NRK: variants seen among roughly 807,000 people sequenced by gnomAD.
The protein encoded by NRK is Nik related kinase, also known as nik-related protein kinase.
Under a neutral mutation model 125.2 loss-of-function variants are expected in NRK, and 67 were observed. The ratio of observed to expected loss-of-function variants is 0.54; its 90% confidence interval spans 0.44 to 0.66. NRK has a LOEUF of 0.66. Among genes scored for constraint, NRK ranks in the 30% least tolerant of loss-of-function variants. The pLI is 0.00. For missense variants in NRK, 1,224 were observed against 1,192.9 expected, an observed-to-expected ratio of 1.03 and a Z score of -0.38; for synonymous variants, 458 against 429.0, an observed-to-expected ratio of 1.07 and a Z score of -0.84.
chrX:105,906,568 A>G lies in NRK; in HGVS notation c.1000A>G (p.Ile334Val), dbSNP rs1468275732. 3 of 1,088,405 alleles carry G rather than the reference A, an allele frequency of 2.8e-6. No homozygotes were observed. Among genetic ancestry groups the G allele is most frequent in the Admixed American group, 5.2e-5 (2 of 38,108 alleles). The allele number at this position is 1,088,405 out of a possible 1,213,427, so 89.7% of individuals were successfully genotyped here. A position where few individuals can be genotyped will look rare whatever the true frequency, so the allele number is the denominator to read the frequency against. ...ESLTRHLTGI[I>V]KKRQKKGIPL... is the part of the protein sequence containing the mutation. ...ATTAACAAGGCATCTTACTGGAATCATTAAAAAAAGACAGAAAAAAGGTAG... is the reference window on the plus strand; with the variant it reads ...ATTAACAAGGCATCTTACTGGAATCGTTAAAAAAAGACAGAAAAAAGGTAG... Residue 334 changes from isoleucine to valine, a missense_variant, in exon 11 of 29, where the codon ATT becomes GTT. Coordinates refer to ENST00000243300, the MANE Select transcript of NRK (RefSeq NM_198465.4).
chrX:105,851,543 A>C lies in NRK; in HGVS notation c.123+20424A>C, dbSNP rs898817343. Among the ~76,000 whole-genome samples the C allele has an allele frequency of 1.1e-4, 12 of 112,195 alleles. No homozygotes were observed. In the Admixed American group the frequency reaches 1.1e-3, roughly 11 times the overall value. On this transcript the variant is annotated intron_variant, in intron 2 of 28. Transcript: ENST00000243300. ...TTCAAGTCTATATTATAAATTAAGT[A>C]ATGCATTAAACAACTAATTAATACT...
chrX:105,904,341 AT>A (rs2040194602), intron 9 of NRK, among the ~76,000 whole-genome samples: 1 of 111,787 alleles, frequency 8.9e-6, no homozygotes, highest in Admixed American at 9.6e-5. Flanking sequence ...ATTAATTTAT[AT>A]AGCACATATT....
chrX:105,895,372 A>G (rs2040068705), intron 6 of NRK, 61 bp from the exon 7 acceptor site: 1 of 862,873 alleles, frequency 1.2e-6, no homozygotes. Flanking sequence ...CCAGAAAGAA[A>G]GAAAGAAAGA....
chrX:105,849,998 G>A (rs2039450636), intron 2 of NRK, among the ~76,000 whole-genome samples: 1 of 111,945 alleles, frequency 8.9e-6, no homozygotes, highest in Admixed American at 9.4e-5. Context: ...CTCTGTGTGG[G>A]GGCTCCAACC....
Position 105,843,767 on chromosome X carries a change from G to A in NRK, c.123+12648G>A, listed in dbSNP as rs971545406. Among the ~76,000 whole-genome samples the A allele has an allele frequency of 6.3e-5, 7 of 111,035 alleles. No homozygotes were observed. The Admixed American group carries it at 6.7e-4, about 11-fold the overall frequency. On this transcript the variant is annotated intron_variant, in intron 2 of 28. Coordinates refer to ENST00000243300, the MANE Select transcript of NRK (RefSeq NM_198465.4). ...ACATGTGTAAATATTTCCTGACTTG[G>A]AGGATTGGCAGCTGTTAGAAAGAAA...
At chrX:105,872,609 C>T (rs1326781711) in intron 2 of NRK, among the ~76,000 whole-genome samples, 1 of 111,288 alleles carries the variant, frequency 9.0e-6, no homozygotes. Context: ...ACCTCCAAAC[C>T]CTGAATGTTC....
intron 28 of NRK, among the ~76,000 whole-genome samples, chrX:105,954,295 G>A (rs887044523): frequency 9.0e-6 from 1 of 110,567 alleles, no homozygotes; most frequent in Non-Finnish European, 1.9e-5. Context: ...TACACTTAAA[G>A]CCCTGCATCC....
Position 105,908,670 on chromosome X carries a change from G to A in NRK, c.1086-57G>A, listed in dbSNP as rs751729172. 8 of 1,129,766 alleles carry A rather than the reference G, an allele frequency of 7.1e-6. No homozygotes were observed. The African/African-American group carries it at 1.3e-4, about 18-fold the overall frequency. The allele number at this position is 1,129,766 out of a possible 1,213,427, so 93.1% of individuals were successfully genotyped here. A position where few individuals can be genotyped will look rare whatever the true frequency, so the allele number is the denominator to read the frequency against. The stretch of plus-strand genomic sequence containing the variant: ...TAAAGTAAAAACAATGCCCCTGAAT[G>A]GCTCCATTCCACTAAAAATTCTAAT... On this transcript the variant is annotated intron_variant, in intron 12 of 28. Coordinates refer to ENST00000243300, the MANE Select transcript of NRK (RefSeq NM_198465.4).
intron 19 of NRK, 71 bp from the exon 20 acceptor site, chrX:105,934,187 C>T (rs781316244): frequency 1.3e-4 from 77 of 606,367 alleles, no homozygotes; most frequent in Non-Finnish European, 1.8e-4. Context: ...TCAAACGACC[C>T]CTCACTAGGC....
intron 23 of NRK, among the ~76,000 whole-genome samples, chrX:105,940,236 G>C (rs1275534642): frequency 1.8e-5 from 2 of 110,719 alleles, no homozygotes; most frequent in African/African-American, 6.6e-5. Flanking sequence ...ACATCTTCCA[G>C]GTCTTCTATG....
At position 105,860,479 on chromosome X, in the gene NRK, A is replaced by G. The variant is rs188981076; in HGVS notation, c.124-19720A>G. Among the ~76,000 whole-genome samples the G allele has an allele frequency of 4.5e-5, 5 of 110,647 alleles. No homozygotes were observed. The Admixed American group carries it at 4.8e-4, about 11-fold the overall frequency. ...CTCAGTAGTTTTTAGTGTATACAAA[A>G]ACAGTGCAACCATGATAACTATTTG... On this transcript the variant is annotated intron_variant, in intron 2 of 28. Transcript: ENST00000243300.
chrX:105,884,354 G>A (rs1349719208), intron 4 of NRK, among the ~76,000 whole-genome samples: 1 of 107,944 alleles, frequency 9.3e-6, no homozygotes, highest in Non-Finnish European at 1.9e-5. Context: ...TTTTTTTTAC[G>A]AGATATAAAT....
chrX:105,906,372 A>T (rs764564898), intron 10 of NRK, 42 bp from the exon 11 acceptor site: 2 of 834,626 alleles, frequency 2.4e-6, no homozygotes, highest in African/African-American at 4.1e-5. Context: ...GTCTGACAGG[A>T]CTGAGAACAC....
chrX:105,913,027 C>G (rs1482896416), intron 14 of NRK, among the ~76,000 whole-genome samples: 1 of 111,856 alleles, frequency 8.9e-6, no homozygotes, highest in Non-Finnish European at 1.9e-5. Context: ...TTTCCCAAAA[C>G]AAAATTTTAG....
At chrX:105,900,412 C>T (rs2147735598) in intron 8 of NRK, among the ~76,000 whole-genome samples, 1 of 111,786 alleles carries the variant, frequency 8.9e-6, no homozygotes, top group Admixed American at 9.4e-5. Context: ...TCCCTATCAA[C>T]CTGTTGTGTA....
intron 2 of NRK, among the ~76,000 whole-genome samples, chrX:105,871,269 AT>A (rs1272647085): frequency 9.0e-6 from 1 of 111,143 alleles, no homozygotes; most frequent in Non-Finnish European, 1.9e-5. Context: ...GTTGTGAAAA[AT>A]TTTGGGTGGC....
rs1333703695 is a variant in NRK, at chrX:105,906,582, G to A, written c.1014G>A (p.Gln338=). The A allele has an allele frequency of 1.1e-5, 11 of 1,023,695 alleles. No individual in the cohort carries two copies. The Admixed American group carries it at 1.4e-4, about 13-fold the overall frequency. 84.4% of individuals were successfully genotyped at this position (1,023,695 alleles called of 1,213,427 possible). ...TTACTGGAATCATTAAAAAAAGACA[G>A]AAAAAAGGTAGAATCTGTTAAGTTT... ...RHLTGIIKKR[Q]KKGIPLIFER... Residue 338 remains glutamine (Q), a synonymous_variant, in exon 11 of 29, where the codon CAG becomes CAA. Transcript: ENST00000243300.
At chrX:105,866,532 G>A (rs761926860) in intron 2 of NRK, among the ~76,000 whole-genome samples, 8 of 111,497 alleles carry the variant, frequency 7.2e-5, no homozygotes, top group South Asian at 7.3e-4. Flanking sequence ...CAAAGAATCC[G>A]TATCCTATAG....
At chrX:105,912,110 AT>A (rs959889942) in intron 13 of NRK, among the ~76,000 whole-genome samples, 3 of 111,511 alleles carry the variant, frequency 2.7e-5, no homozygotes, top group Non-Finnish European at 5.7e-5. Context: ...CAAAAAATGC[AT>A]TTTTATTAAT....
Sources: gnomAD v4.1 joint callset for allele counts (sites outside exome capture counted in the v4.1 genomes callset) on GRCh38, gnomAD v4.1.1 for gene constraint, MANE v1.5 for transcripts, NCBI Gene and HGNC (gene_info 2026-07-23, HGNC 2026-07-21) for gene names.